Variants in SAMMSON observed in about 807,000 individuals in gnomAD.
SAMMSON encodes the protein survival associated mitochondrial melanoma specific oncogenic non-coding RNA.
intron 4 of SAMMSON, among the ~76,000 whole-genome samples, chr3:70,090,864 TC>T (rs1191602589): frequency 6.6e-6 from 1 of 152,114 alleles, no homozygotes; most frequent in Non-Finnish European, 1.5e-5. Flanking sequence ...GCTGCCTGAA[TC>T]TTAGGCTTAA....
At chr3:70,186,511 A>G (rs1701093599) in intron 4 of SAMMSON, among the ~76,000 whole-genome samples, 1 of 152,112 alleles carries the variant, frequency 6.6e-6, no homozygotes, top group Non-Finnish European at 1.5e-5. Context: ...ATTGGGCTTA[A>G]GTGACCCTCC....
At chr3:70,212,345 C>T (rs1049281871) in intron 4 of SAMMSON, among the ~76,000 whole-genome samples, 2 of 151,996 alleles carry the variant, frequency 1.3e-5, no homozygotes, top group African/African-American at 4.8e-5. Context: ...TCTACTAAGC[C>T]CCTCATTCTT....
rs527296171 is a variant in SAMMSON at position 70,130,732 on chromosome 3, T to C, written n.507+59167T>C. Among the ~76,000 whole-genome samples the C allele has an allele frequency of 3.3e-4, 50 of 152,232 alleles. 1 individual carries two copies. The highest frequency in any genetic ancestry group is 3.0e-3 in the Admixed American group (46 of 15,292). On this transcript the variant is annotated intron_variant and non_coding_transcript_variant, in intron 4 of 9. Transcript: ENST00000642114. ...ACATGTTCTAGCCAACACCTTCAAC[T>C]AGGTTCTCAGCCAATAGCTAACAAA...
chr3:70,405,423 C>G (rs943941290), intron 2 of SAMMSON, among the ~76,000 whole-genome samples: 1 of 152,082 alleles, frequency 6.6e-6, no homozygotes, highest in Non-Finnish European at 1.5e-5. Context: ...AAATGTGACC[C>G]ATGACCAGAA....
rs567301868 is a variant in SAMMSON, at chr3:70,246,179, C to T, written n.508-2928C>T. Among the ~76,000 whole-genome samples, 71 of 152,004 alleles carry T rather than the reference C, an allele frequency of 4.7e-4. No individual in the cohort carries two copies. The South Asian group carries it at 5.4e-3, about 12-fold the overall frequency. ...TTTAAAAGCATAAAGTATTGACAGCCGTAAGATTCTTGGAATAGTACATCA... is the reference window on the plus strand; with the variant it reads ...TTTAAAAGCATAAAGTATTGACAGCTGTAAGATTCTTGGAATAGTACATCA... On this transcript the variant is annotated intron_variant and non_coding_transcript_variant, in intron 4 of 9. Coordinates refer to ENST00000642114, the Ensembl canonical transcript of SAMMSON.
intron 8 of SAMMSON, among the ~76,000 whole-genome samples, chr3:70,358,059 G>A (rs1375565971): frequency 6.6e-6 from 1 of 152,150 alleles, no homozygotes; most frequent in East Asian, 1.9e-4. Context: ...AGAAATGACT[G>A]TTAAATTTGC....
intron 3 of SAMMSON, among the ~76,000 whole-genome samples, chr3:70,057,850 CTG>C (rs2067173646): frequency 6.6e-6 from 1 of 151,996 alleles, no homozygotes; most frequent in South Asian, 2.1e-4. Flanking sequence ...TGGGCAAACA[CTG>C]TCATTTTCTC....
chr3:70,426,585 C>A (rs1701371173), intron 2 of SAMMSON, among the ~76,000 whole-genome samples: 1 of 152,202 alleles, frequency 6.6e-6, no homozygotes, highest in Admixed American at 6.5e-5. Context: ...TCCTTCTCTT[C>A]TTCATTCTTC....
intron 2 of SAMMSON, among the ~76,000 whole-genome samples, chr3:70,404,015 A>G (rs1701161096): frequency 6.6e-6 from 1 of 151,914 alleles, no homozygotes; most frequent in South Asian, 2.1e-4. Context: ...AGTCTCAGAT[A>G]TTTTTTCATC....
At chr3:70,267,817 G>C (rs1701934828) in intron 6 of SAMMSON, among the ~76,000 whole-genome samples, 1 of 151,832 alleles carries the variant, frequency 6.6e-6, no homozygotes, top group Admixed American at 6.6e-5. Context: ...AGTTTTGTTA[G>C]GTAAAAAATG....
chr3:70,344,403 A>G (rs1702734372), intron 7 of SAMMSON, among the ~76,000 whole-genome samples: 1 of 152,044 alleles, frequency 6.6e-6, no homozygotes, highest in African/African-American at 2.4e-5. Context: ...CCAGGGCAAG[A>G]TCATCTTCCC....
At chr3:70,267,158 T>C (rs933318042) in intron 6 of SAMMSON, among the ~76,000 whole-genome samples, 4 of 152,142 alleles carry the variant, frequency 2.6e-5, no homozygotes, top group Admixed American at 6.5e-5. Context: ...ATAAATTTTC[T>C]CTGATTGATT....
chr3:70,165,030 G>C (rs1028163475), intron 4 of SAMMSON, among the ~76,000 whole-genome samples: 2 of 151,770 alleles, frequency 1.3e-5, no homozygotes, highest in African/African-American at 4.8e-5. Context: ...ACATATATAA[G>C]ATATGTTTTC....
chr3:70,013,356 A>G (rs1395966645), intron 2 of SAMMSON, among the ~76,000 whole-genome samples: 1 of 152,164 alleles, frequency 6.6e-6, no homozygotes, highest in Non-Finnish European at 1.5e-5. Flanking sequence ...AATCATACAT[A>G]TAAAGCATTT....
At chr3:70,226,599 A>G (rs1330044517) in intron 4 of SAMMSON, among the ~76,000 whole-genome samples, 1 of 151,636 alleles carries the variant, frequency 6.6e-6, no homozygotes, top group Non-Finnish European at 1.5e-5. Flanking sequence ...TTAGCCAGGC[A>G]TGGTGGCGGG....
At chr3:70,004,111 A>G (rs2107574274) in intron 1 of SAMMSON, among the ~76,000 whole-genome samples, 1 of 152,220 alleles carries the variant, frequency 6.6e-6, no homozygotes, top group Non-Finnish European at 1.5e-5. Context: ...TTTTGGTAAC[A>G]TCTGTTTATT....
At chr3:70,427,515 G>A (rs147918894) in intron 2 of SAMMSON, among the ~76,000 whole-genome samples, 1,852 of 152,146 alleles carry the variant, frequency 0.012, 31 homozygotes, top group African/African-American at 0.042. Context: ...TGAGATGGGC[G>A]GATCACGAGG....
chr3:70,134,201 A>C (rs2067496325), intron 4 of SAMMSON, among the ~76,000 whole-genome samples: 1 of 151,626 alleles, frequency 6.6e-6, no homozygotes, highest in Non-Finnish European at 1.5e-5. Flanking sequence ...CGGAGGTTGC[A>C]GTGAGCCGAG....
chr3:70,268,474 C>CAAAAAAAAAAAAAAAAAAAAAAA (rs66482424), intron 6 of SAMMSON, among the ~76,000 whole-genome samples: 1 of 96,616 alleles, frequency 1.0e-5, no homozygotes. Context: ...GACTCCGTCT[C>CAAAAAAAAAAAAAAAAAAAAAAA]AAAAAAAAAA....
Sources: allele counts gnomAD v4.1 joint callset (sites outside exome capture counted in the v4.1 genomes callset), GRCh38; gene constraint gnomAD v4.1.1; transcripts MANE v1.5; gene names NCBI Gene and HGNC (gene_info 2026-07-23, HGNC 2026-07-21).